The following ZFAND6 variants were observed in gnomAD, a reference collection of about 807,000 sequenced individuals.
The protein encoded by ZFAND6 is zinc finger AN1-type containing 6.
ZFAND6 carries 12 observed loss-of-function variants against 24.5 expected under a neutral mutation model. That is an observed-to-expected ratio of 0.49 (90% CI 0.31 to 0.79). ZFAND6 has a LOEUF of 0.79. Among genes scored for constraint, ZFAND6 ranks in the 30% least tolerant of loss-of-function variants. ZFAND6 has a pLI of 0.04. For synonymous variants in ZFAND6, 92 were observed against 81.5 expected (o/e 1.13, Z -0.69); for missense variants, 207 against 245.9 (o/e 0.84, Z 1.06).
chr15:80,115,204 T>G (rs1567086170), intron 2 of ZFAND6: 1 of 152,158 alleles, frequency 6.6e-6, no homozygotes, highest in Non-Finnish European at 1.5e-5. Flanking sequence ...TCCTGGCACA[T>G]AGTAAACTCT....
At chr15:80,078,981 G>A (rs976922339) in intron 1 of ZFAND6, among the ~76,000 whole-genome samples, 2 of 151,670 alleles carry the variant, frequency 1.3e-5, no homozygotes, top group African/African-American at 4.8e-5. Flanking sequence ...CTGGTGTGCT[G>A]CACCCATTAA....
At chr15:80,097,147 G>A (rs2038772607) in intron 1 of ZFAND6, among the ~76,000 whole-genome samples, 1 of 151,650 alleles carries the variant, frequency 6.6e-6, no homozygotes, top group Non-Finnish European at 1.5e-5. Flanking sequence ...TTACAGGCAT[G>A]TGCCACCATG....
chr15:80,120,469 ATAG>A lies in ZFAND6; in HGVS notation c.131_133del (p.Ser44del). 1 of 1,579,518 alleles carries A rather than the reference ATAG, an allele frequency of 6.3e-7. No individual in the cohort carries two copies. The highest frequency in any genetic ancestry group is 8.6e-7 in the Non-Finnish European group (1 of 1,159,080). ...TATAAAGAACATCTTCAAAGACAGA[ATAG>A]TAGTAATGGTAGAATAAGCCCACCT... On this transcript the variant is annotated inframe_deletion, in exon 3 of 7. Transcript: ENST00000261749.
chr15:80,120,045 G>A (rs2040079072), intron 2 of ZFAND6, among the ~76,000 whole-genome samples: 2 of 152,116 alleles, frequency 1.3e-5, no homozygotes, highest in African/African-American at 4.8e-5. Context: ...TGACCTTCTG[G>A]GGGTAGAGTC....
intron 6 of ZFAND6, among the ~76,000 whole-genome samples, chr15:80,135,412 C>T (rs569950059): frequency 3.2e-4 from 48 of 152,294 alleles, no homozygotes; most frequent in Admixed American, 3.1e-3. Flanking sequence ...CTAAATCTGG[C>T]ATCCTTTAAG....
chr15:80,135,092 A>G (rs552361817), intron 6 of ZFAND6, among the ~76,000 whole-genome samples: 1 of 152,226 alleles, frequency 6.6e-6, no homozygotes, highest in African/African-American at 2.4e-5. Context: ...AGACAGCAAG[A>G]CCAACCCCTC....
At chr15:80,121,655 A>C in intron 3 of ZFAND6, 57 bp from the exon 4 acceptor site, 6 of 1,422,708 alleles carry the variant, frequency 4.2e-6, no homozygotes, top group Non-Finnish European at 5.9e-6. Flanking sequence ...TTTTTAGATA[A>C]GGTCTTAGAC....
intron 2 of ZFAND6, among the ~76,000 whole-genome samples, chr15:80,107,002 C>G (rs949179381): frequency 6.6e-6 from 1 of 152,126 alleles, no homozygotes; most frequent in African/African-American, 2.4e-5. Flanking sequence ...CACCTGAGGT[C>G]AGGAGTTCAA....
chr15:80,136,290 C>T (rs942907546), intron 6 of ZFAND6, among the ~76,000 whole-genome samples: 1 of 152,126 alleles, frequency 6.6e-6, no homozygotes, highest in Non-Finnish European at 1.5e-5. Flanking sequence ...CATGGTGAAA[C>T]TCAGTCTCTA....
intron 1 of ZFAND6, among the ~76,000 whole-genome samples, chr15:80,087,843 C>T (rs1596232350): frequency 6.6e-6 from 1 of 151,890 alleles, no homozygotes; most frequent in African/African-American, 2.4e-5. Context: ...TCTTACTTTC[C>T]TTGGGGGTGT....
chr15:80,075,074 G>T (rs533950101), intron 1 of ZFAND6: 2 of 154,752 alleles, frequency 1.3e-5, no homozygotes, highest in East Asian at 3.8e-4. Flanking sequence ...CTGACTTTCA[G>T]AGCTGATGCT....
intron 6 of ZFAND6, among the ~76,000 whole-genome samples, chr15:80,133,028 T>G (rs895272380): frequency 6.6e-6 from 1 of 152,168 alleles, no homozygotes; most frequent in African/African-American, 2.4e-5. Context: ...TGAAATACCT[T>G]TTTATTTTGT....
intron 1 of ZFAND6, among the ~76,000 whole-genome samples, chr15:80,069,280 GC>G (rs776868770): frequency 2.6e-5 from 4 of 152,248 alleles, no homozygotes; most frequent in Non-Finnish European, 5.9e-5. Flanking sequence ...TATTATAAAT[GC>G]CTTCTCTTTT....
At chr15:80,110,159 T>G (rs1222781310) in intron 2 of ZFAND6, among the ~76,000 whole-genome samples, 2 of 152,192 alleles carry the variant, frequency 1.3e-5, no homozygotes, top group African/African-American at 2.4e-5. Context: ...TTGGAAGATA[T>G]GCCATTACTT....
intron 5 of ZFAND6, among the ~76,000 whole-genome samples, chr15:80,129,250 T>C (rs980376987): frequency 6.6e-6 from 1 of 152,226 alleles, no homozygotes; most frequent in Admixed American, 6.5e-5. Context: ...ATATTCTGTT[T>C]CAAAAATAGT....
chr15:80,066,183 C>T (rs1239465069), intron 1 of ZFAND6, among the ~76,000 whole-genome samples: 40 of 152,086 alleles, frequency 2.6e-4, no homozygotes, highest in Admixed American at 2.6e-3. Flanking sequence ...CGACAAGTGT[C>T]TAGGAAGTAA....
intron 5 of ZFAND6, among the ~76,000 whole-genome samples, chr15:80,125,717 A>G (rs928158867): frequency 2.0e-4 from 31 of 152,216 alleles, no homozygotes; most frequent in African/African-American, 7.0e-4. Flanking sequence ...GTACACTCTA[A>G]AACTGTTGAA....
At chr15:80,103,502 C>T (rs1439925298) in intron 2 of ZFAND6, among the ~76,000 whole-genome samples, 1 of 152,180 alleles carries the variant, frequency 6.6e-6, no homozygotes, top group Non-Finnish European at 1.5e-5. Context: ...TAGATATGCT[C>T]TGAAGTGTTC....
intron 1 of ZFAND6, among the ~76,000 whole-genome samples, chr15:80,068,877 A>G (rs994314203): frequency 4.6e-5 from 7 of 152,236 alleles, no homozygotes; most frequent in Admixed American, 4.6e-4. Flanking sequence ...TAGGGACTAT[A>G]TCCATTTTAT....
Sources: gnomAD v4.1 joint callset for allele counts (sites outside exome capture counted in the v4.1 genomes callset) on GRCh38, gnomAD v4.1.1 for gene constraint, MANE v1.5 for transcripts, NCBI Gene and HGNC (gene_info 2026-07-23, HGNC 2026-07-21) for gene names.